The following SULF2 variants were observed in gnomAD, a reference collection of about 807,000 sequenced individuals.
The protein encoded by SULF2 is extracellular sulfatase Sulf-2.
SULF2 carries 52 observed loss-of-function variants against 107.7 expected under a neutral mutation model. The ratio of observed to expected loss-of-function variants is 0.48; its 90% confidence interval spans 0.39 to 0.61. SULF2 has a LOEUF of 0.61. Ranked by LOEUF, SULF2 falls within the 20% of genes least tolerant of loss-of-function variation. The pLI is 0.00. For missense variants in SULF2, 993 were observed against 1,177.3 expected (o/e 0.84, Z 2.29); for synonymous variants, 460 against 464.3 (o/e 0.99, Z 0.12).
At position 47,666,450 on chromosome 20, in the gene SULF2, A is replaced by G. The variant is rs2087275474; in HGVS notation, c.1615T>C (p.Ser539Pro). Residue 539 changes from serine to proline, a missense_variant, in exon 12 of 21, where the codon TCA becomes CCA. Around this residue, in one of 3 missense-constraint regions of SULF2, gnomAD observed 497 missense variants for 544.1 expected, o/e 0.91. Transcript: ENST00000688720. The surrounding 1 kb of genome is among the most constrained non-coding windows in gnomAD (Gnocchi z 5.4). Reference sequence around the variant, plus strand: ...CTGCCGTCCACCTCGATGGCCACTGAGCGGATGGAGCGACTGCGGACATAG... The same window carrying G: ...CTGCCGTCCACCTCGATGGCCACTGGGCGGATGGAGCGACTGCGGACATAG... Reference protein sequence around the residue: ...ASYVRSRSIRSVAIEVDGRVY... With the variant: ...ASYVRSRSIRPVAIEVDGRVY... The G allele has an allele frequency of 1.2e-6, 2 of 1,613,616 alleles. No homozygotes were observed. Among genetic ancestry groups the G allele is most frequent in the East Asian group, 4.5e-5 (2 of 44,876 alleles).
intron 17 of SULF2, 108 bp downstream of exon 17, chr20:47,662,962 C>T: frequency 2.6e-5 from 34 of 1,284,220 alleles, no homozygotes; most frequent in Non-Finnish European, 3.6e-5. Context: ...CTCAGGGACT[C>T]AGTGGGACTT....
At chr20:47,716,704 C>A (rs1253916860) in intron 3 of SULF2, among the ~76,000 whole-genome samples, 1 of 152,070 alleles carries the variant, frequency 6.6e-6, no homozygotes, top group South Asian at 2.1e-4. Flanking sequence ...CAGCCTCACA[C>A]AGACATGCAG....
chr20:47,772,891 GGA>G (rs1568929553), intron 1 of SULF2, among the ~76,000 whole-genome samples: 1 of 143,390 alleles, frequency 7.0e-6, no homozygotes, highest in Admixed American at 6.7e-5. Flanking sequence ...GGTGACCTTT[GGA>G]GAGAGATATG....
intron 17 of SULF2, 69 bp downstream of exon 17, chr20:47,663,001 T>TGG: frequency 6.4e-7 from 1 of 1,560,796 alleles, no homozygotes. Flanking sequence ...TCCCTGAGGT[T>TGG]GGGGGGGGCC....
chr20:47,692,675 T>G (rs978739215), intron 4 of SULF2, among the ~76,000 whole-genome samples: 4 of 152,184 alleles, frequency 2.6e-5, no homozygotes, highest in African/African-American at 9.6e-5. Context: ...AGCTAGCAAG[T>G]GGCCGCCCAG....
At chr20:47,672,166 C>T (rs1274459003) in intron 11 of SULF2, 32 bp downstream of exon 11, 1 of 1,577,812 alleles carries the variant, frequency 6.3e-7, no homozygotes, top group Admixed American at 1.7e-5. Flanking sequence ...TCTCTCTCCT[C>T]CTGTCCCACT....
intron 3 of SULF2, among the ~76,000 whole-genome samples, chr20:47,732,712 A>G (rs1600600557): frequency 6.6e-6 from 1 of 152,268 alleles, no homozygotes; most frequent in African/African-American, 2.4e-5. Context: ...GCGTGGTGGC[A>G]CGCACCTGTA....
At chr20:47,775,264 G>T (rs1236937574) in intron 1 of SULF2, among the ~76,000 whole-genome samples, 9 of 152,176 alleles carry the variant, frequency 5.9e-5, no homozygotes, top group Non-Finnish European at 1.2e-4. Context: ...ACTCTTAGAA[G>T]TCAGGCTACC....
intron 1 of SULF2, among the ~76,000 whole-genome samples, chr20:47,773,545 T>C (rs1396659881): frequency 6.6e-6 from 1 of 152,354 alleles, no homozygotes; most frequent in African/African-American, 2.4e-5. Context: ...AGCCCATGCC[T>C]TCTGGGCAGG....
At chr20:47,714,383 G>C (rs1600551805) in intron 3 of SULF2, among the ~76,000 whole-genome samples, 1 of 152,016 alleles carries the variant, frequency 6.6e-6, no homozygotes, top group Admixed American at 6.5e-5. Flanking sequence ...TCAAGGCTAC[G>C]CACCATGGAG....
At chr20:47,767,070 A>C (rs2090542087) in intron 1 of SULF2, among the ~76,000 whole-genome samples, 1 of 152,188 alleles carries the variant, frequency 6.6e-6, no homozygotes, top group South Asian at 2.1e-4. Context: ...CACGCTGAGT[A>C]GGAGGAGGGT....
chr20:47,713,458 G>A lies in SULF2; in HGVS notation c.416-10788C>T, dbSNP rs193145387. Among the ~76,000 whole-genome samples the A allele has an allele frequency of 2.4e-4, 36 of 152,346 alleles. 2 individuals are homozygous for A. Among genetic ancestry groups the A allele is most frequent in the African/African-American group, 8.4e-4 (35 of 41,572 alleles). On this transcript the variant is annotated intron_variant, in intron 3 of 20. Transcript: ENST00000688720. ...ATGTACCATTAACGACAGGGTTGCA[G>A]TGTGGCTTTAAAGAGCTTGGTTTGC...
At chr20:47,737,680 A>T (rs1419822016) in intron 2 of SULF2, among the ~76,000 whole-genome samples, 1 of 149,638 alleles carries the variant, frequency 6.7e-6, no homozygotes, top group Non-Finnish European at 1.5e-5. Flanking sequence ...GTCTTGCAGC[A>T]TGTGTCCTGA....
At position 47,749,009 on chromosome 20, in the gene SULF2, G is replaced by GT. The variant is rs201472545; in HGVS notation, c.175+8179dup. On this transcript the variant is annotated intron_variant, in intron 2 of 20. Coordinates refer to ENST00000688720, the MANE Select transcript of SULF2 (RefSeq NM_001387048.1). ...CGTGTTGCATGTGACTTCTGAAGTG[G>GT]TTTTTTTTTTTTTCTTTTTCCTGCC... Among the ~76,000 whole-genome samples the GT allele has an allele frequency of 4.5e-3, 650 of 145,978 alleles. 7 individuals are homozygous for GT. Among genetic ancestry groups the GT allele is most frequent in the East Asian group, 0.026 (129 of 5,036 alleles).
chr20:47,722,887 G>A (rs918758524), intron 3 of SULF2, among the ~76,000 whole-genome samples: 1 of 152,132 alleles, frequency 6.6e-6, no homozygotes, highest in African/African-American at 2.4e-5. Context: ...CCAACATGGT[G>A]AAACCCCATC....
Position 47,757,848 on chromosome 20 carries a change from C to T in SULF2, c.-100-385G>A, listed in dbSNP as rs1427591777. 2.6e-5 allele frequency among the ~76,000 whole-genome samples: 4 copies of T among 152,086 alleles called. No homozygotes were observed. The East Asian group carries it at 5.8e-4, about 22-fold the overall frequency. On this transcript the variant is annotated intron_variant, in intron 1 of 20. Coordinates refer to ENST00000688720, the MANE Select transcript of SULF2 (RefSeq NM_001387048.1). ...CTGGTCTCAAGGGGTGAATATTTGC[C>T]GTCCTCTTGCATCTGCCCGCACCGT...
intron 10 of SULF2, among the ~76,000 whole-genome samples, chr20:47,674,083 C>T (rs1359475003): frequency 4.6e-5 from 7 of 152,234 alleles, no homozygotes; most frequent in African/African-American, 7.2e-5. Context: ...AAACCAAGGA[C>T]GGTTTTTACA....
intron 1 of SULF2, among the ~76,000 whole-genome samples, chr20:47,767,209 C>T (rs1187388475): frequency 3.9e-5 from 6 of 152,210 alleles, no homozygotes; most frequent in African/African-American, 1.4e-4. Context: ...CAAGCACTTG[C>T]CTACAGAGTG....
intron 1 of SULF2, among the ~76,000 whole-genome samples, chr20:47,771,867 C>G (rs1157653417): frequency 6.6e-6 from 1 of 152,226 alleles, no homozygotes; most frequent in Non-Finnish European, 1.5e-5. Context: ...TGGGATAACA[C>G]AGCTTTTCCA....
Sources: allele counts gnomAD v4.1 joint callset (sites outside exome capture counted in the v4.1 genomes callset), GRCh38; gene constraint gnomAD v4.1.1; regional missense constraint gnomAD v4.1.1; non-coding constraint Gnocchi (gnomAD v3.1); transcripts MANE v1.5; gene names NCBI Gene and HGNC (gene_info 2026-07-23, HGNC 2026-07-21).